The following BMP2K variants were observed in gnomAD, a reference collection of about 807,000 sequenced individuals.
The protein encoded by BMP2K is BMP2 inducible kinase.
BMP2K carries 74 observed loss-of-function variants against 116.0 expected under a neutral mutation model. The observed-to-expected ratio is 0.64, with a 90% confidence interval of 0.53 to 0.77. The LOEUF (loss-of-function observed/expected upper bound fraction) is 0.77. Ranked by LOEUF, BMP2K falls within the 30% of genes least tolerant of loss-of-function variation. BMP2K has a pLI of 0.00. For missense variants in BMP2K, 1,365 were observed against 1,403.6 expected, an observed-to-expected ratio of 0.97 and a Z score of 0.44; for synonymous variants, 486 against 502.5, an observed-to-expected ratio of 0.97 and a Z score of 0.44.
chr4:78,803,703 T>G (rs1475616841), intron 1 of BMP2K, among the ~76,000 whole-genome samples: 2 of 152,176 alleles, frequency 1.3e-5, no homozygotes, highest in Non-Finnish European at 2.9e-5. Context: ...AGGAATGCCA[T>G]TACTAGAGAA....
intron 1 of BMP2K, among the ~76,000 whole-genome samples, chr4:78,786,685 G>T (rs190847505): frequency 1.3e-5 from 2 of 152,120 alleles, no homozygotes; most frequent in African/African-American, 4.8e-5. Flanking sequence ...ATGGGGTCTT[G>T]TAGGATATAT....
intron 2 of BMP2K, 37 bp from the exon 3 acceptor site, chr4:78,833,545 T>C: frequency 7.4e-7 from 1 of 1,360,114 alleles, no homozygotes; most frequent in Non-Finnish European, 1.0e-6. Context: ...CCTTTAAATG[T>C]ACATTTTCCA....
chr4:78,821,968 A>G (rs1486082910), intron 1 of BMP2K, among the ~76,000 whole-genome samples: 1 of 152,250 alleles, frequency 6.6e-6, no homozygotes, highest in Non-Finnish European at 1.5e-5. Flanking sequence ...AATAGAAGGA[A>G]TAAATAATGG....
intron 1 of BMP2K, among the ~76,000 whole-genome samples, chr4:78,801,592 A>G (rs930111996): frequency 4.6e-5 from 7 of 152,066 alleles, no homozygotes; most frequent in African/African-American, 1.7e-4. Context: ...TTCTCATTAT[A>G]GGTTTAATTC....
chr4:78,911,797 C>T lies in BMP2K; in HGVS notation c.3250C>T (p.Pro1084Ser), dbSNP rs773841914. ...TTCTCCAGACCTGTCATGGCACCCT[C>T]CACATCAGGGCCTGAGCGACATCCG... ...FHSPDLSWHP[P>S]HQGLSDIRAD... The change falls in exon 16 of 16, where the codon CCA becomes TCA. Residue 1084 changes from proline (P) to serine (S), a missense_variant. Physicochemically the swap from Pro to Ser is moderately conservative, Grantham distance 74. Around this residue, in one of 3 missense-constraint regions of BMP2K, gnomAD observed 596 missense variants for 623.2 expected, o/e 0.96. Transcript: ENST00000502613. 1.2e-6 allele frequency: 2 copies of T among 1,613,966 alleles called. No individual in the cohort carries two copies. The highest frequency in any genetic ancestry group is 1.7e-6 in the Non-Finnish European group (2 of 1,179,880).
chr4:78,848,253 T>C (rs868304027), intron 6 of BMP2K, among the ~76,000 whole-genome samples: 18 of 151,576 alleles, frequency 1.2e-4, no homozygotes, highest in Non-Finnish European at 1.5e-4. Flanking sequence ...TAAAATCACA[T>C]GTATAATTTA....
At position 78,870,961 on chromosome 4, in the gene BMP2K, A is replaced by G. The variant is rs970676013; in HGVS notation, c.1410A>G (p.Gln470=). 1.1e-4 allele frequency: 184 copies of G among 1,610,746 alleles called. 1 individual carries two copies. Among genetic ancestry groups the G allele is most frequent in the Middle Eastern group, 3.3e-4 (2 of 6,038 alleles). ...QQQQQQQQQQ[Q]QQQQQQQQQQ... ...AGCAGCAGCAGCAGCAGCAACAGCA[A>G]CAGCAGCAGCAGCAACAGCAACAGC... Residue 470 remains glutamine, a synonymous_variant, in exon 11 of 16, where the codon CAA becomes CAG. Transcript: ENST00000502613.
In BMP2K at chr4:78,913,508, G is replaced by C. The variant is rs1285981336; in HGVS notation, c.*1475G>C. The C allele has an allele frequency of 1.3e-5, 2 of 152,100 alleles. No homozygotes were observed. Among genetic ancestry groups the C allele is most frequent in the Admixed American group, 6.6e-5 (1 of 15,264 alleles). 9.4% of individuals were successfully genotyped at this position (152,100 alleles called of 1,614,324 possible). A position where few individuals can be genotyped will look rare whatever the true frequency, so the allele number is the denominator to read the frequency against. On this transcript the variant is annotated 3_prime_UTR_variant, in exon 16 of 16. Coordinates refer to ENST00000502613, the MANE Select transcript of BMP2K (RefSeq NM_198892.2). ...TCAGATTAACATTTGGAAGTTTCTA[G>C]AACAGTTAATGCTATTTACAGAAAG...
At chr4:78,796,588 G>C (rs572352292) in intron 1 of BMP2K, among the ~76,000 whole-genome samples, 48 of 152,078 alleles carry the variant, frequency 3.2e-4, no homozygotes, top group Non-Finnish European at 6.6e-4. Context: ...AAGAGGTGAG[G>C]TATTTTTGTA....
chr4:78,824,746 C>A (rs765528131), intron 1 of BMP2K, among the ~76,000 whole-genome samples: 2 of 152,024 alleles, frequency 1.3e-5, no homozygotes, highest in African/African-American at 2.4e-5. Flanking sequence ...TAAATTAATG[C>A]AAGTGACATA....
intron 1 of BMP2K, among the ~76,000 whole-genome samples, chr4:78,786,718 ATCT>A (rs780273020): frequency 4.6e-5 from 7 of 152,032 alleles, no homozygotes; most frequent in Non-Finnish European, 8.8e-5. Flanking sequence ...CTTTTTTGTA[ATCT>A]TTATTTTTTC....
intron 15 of BMP2K, among the ~76,000 whole-genome samples, chr4:78,899,355 TA>T (rs1733878543): frequency 1.3e-5 from 2 of 152,052 alleles, no homozygotes; most frequent in Non-Finnish European, 2.9e-5. Context: ...GAATATAGGG[TA>T]GGTCAAGAAA....
chr4:78,870,017 A>C (rs115395751), intron 10 of BMP2K, among the ~76,000 whole-genome samples: 253 of 152,322 alleles, frequency 1.7e-3, no homozygotes, highest in African/African-American at 6.0e-3. Context: ...ATTTGAATGT[A>C]GGGTAAGTTT....
chr4:78,833,961 T>C (rs1730332958), intron 3 of BMP2K, among the ~76,000 whole-genome samples: 1 of 152,216 alleles, frequency 6.6e-6, no homozygotes, highest in South Asian at 2.1e-4. Flanking sequence ...CAGTTCTTGC[T>C]CTCCATAGAA....
At chr4:78,855,350 G>A (rs1308819722) in intron 7 of BMP2K, among the ~76,000 whole-genome samples, 3 of 152,118 alleles carry the variant, frequency 2.0e-5, no homozygotes, top group South Asian at 2.1e-4. Flanking sequence ...AGAGAAAAAT[G>A]TGTCTTTATG....
chr4:78,911,090 T>G lies in BMP2K; in HGVS notation c.2543T>G (p.Val848Gly), dbSNP rs1734570060. ...TSAQLSSDVA[V>G]ETPKQEFDVF... ...GCCCAATTATCCTCTGATGTTGCAG[T>G]GGAGACTCCCAAACAGGAGTTTGAT... Residue 848 changes from valine (V) to glycine (G), a missense_variant, in exon 16 of 16, where the codon GTG becomes GGG. Coordinates refer to ENST00000502613, the MANE Select transcript of BMP2K (RefSeq NM_198892.2). 3 of 1,613,892 alleles carry G rather than the reference T, an allele frequency of 1.9e-6. No individual in the cohort carries two copies. The African/African-American group carries it at 4.0e-5, about 22-fold the overall frequency.
chr4:78,858,576 T>A (rs1456839729), intron 7 of BMP2K, among the ~76,000 whole-genome samples: 2 of 151,960 alleles, frequency 1.3e-5, no homozygotes, highest in Admixed American at 1.3e-4. Context: ...TATCATGTCA[T>A]TGAAGATGTA....
chr4:78,788,797 C>T (rs541200098), intron 1 of BMP2K, among the ~76,000 whole-genome samples: 11 of 149,416 alleles, frequency 7.4e-5, no homozygotes, highest in Admixed American at 1.3e-4. Flanking sequence ...CCATAGTGTT[C>T]GAGGTTGGAT....
In BMP2K at chr4:78,819,556, A is replaced by G. The variant is rs903830622; in HGVS notation, c.179-6481A>G. 4.6e-5 allele frequency among the ~76,000 whole-genome samples: 7 copies of G among 152,132 alleles called. No individual in the cohort carries two copies. The South Asian group carries it at 6.2e-4, about 14-fold the overall frequency. ...TACATAATCTCATTTATTCTTTAGA[A>G]TAGTCCTATGAGGAGATCTTATTAT... On this transcript the variant is annotated intron_variant, in intron 1 of 15. Transcript: ENST00000502613.
Sources: allele counts gnomAD v4.1 joint callset (sites outside exome capture counted in the v4.1 genomes callset), GRCh38; gene constraint gnomAD v4.1.1; regional missense constraint gnomAD v4.1.1; transcripts MANE v1.5; gene names NCBI Gene and HGNC (gene_info 2026-07-23, HGNC 2026-07-21).